The following PADI6 variants were observed in gnomAD, a reference collection of about 807,000 sequenced individuals.
PADI6 encodes the protein peptidyl arginine deiminase 6.
In PADI6, 66 loss-of-function variants were observed where a neutral mutation model predicts 78.2. The ratio of observed to expected loss-of-function variants is 0.84; its 90% CI spans 0.69 to 1.04. PADI6 has a LOEUF of 1.04. Ranked by LOEUF, PADI6 falls within the 50% of genes least tolerant of loss-of-function variation. PADI6 has a pLI of 0.00. For missense variants in PADI6, 854 were observed against 866.1 expected (o/e 0.99, Z 0.18); for synonymous variants, 397 against 346.9 (o/e 1.14, Z -1.60).
chr1:17,392,304 G>A, intron 9 of PADI6, 79 bp downstream of exon 9: 1 of 1,090,084 alleles, frequency 9.2e-7, no homozygotes, highest in Non-Finnish European at 1.4e-6. Context: ...GAACTTCACA[G>A]GCTTCTGGTT....
At chr1:17,393,244 G>GTT (rs2075208462) in intron 9 of PADI6, among the ~76,000 whole-genome samples, 3 of 152,308 alleles carry the variant, frequency 2.0e-5, no homozygotes, top group Non-Finnish European at 4.4e-5. Flanking sequence ...CTACCTCCTG[G>GTT]TTAAGGTACC....
chr1:17,385,199 A>G (rs113868742), intron 6 of PADI6, among the ~76,000 whole-genome samples: 1 of 146,496 alleles, frequency 6.8e-6, no homozygotes, highest in Non-Finnish European at 1.5e-5. Flanking sequence ...ATAGTGTTTG[A>G]GTAGTGTTGG....
chr1:17,388,245 G>A (rs2075142413), intron 6 of PADI6, 136 bp from the exon 7 acceptor site: 2 of 777,500 alleles, frequency 2.6e-6, no homozygotes, highest in Admixed American at 5.9e-5. Flanking sequence ...GGGGATGGCT[G>A]AGCCATTTCA....
intron 2 of PADI6, among the ~76,000 whole-genome samples, 157 bp from the exon 3 acceptor site, chr1:17,375,270 C>T (rs538553007): frequency 5.3e-5 from 8 of 152,220 alleles, no homozygotes; most frequent in South Asian, 2.1e-4. Context: ...CAGCCCTAAG[C>T]GCAGGGCTGT....
At chr1:17,397,814 A>G (rs2075261190) in intron 14 of PADI6, among the ~76,000 whole-genome samples, 1 of 152,172 alleles carries the variant, frequency 6.6e-6, no homozygotes, top group Non-Finnish European at 1.5e-5. Context: ...TGTGTTGCTC[A>G]TTATACTCAA....
At chr1:17,394,919 C>T in intron 11 of PADI6, 32 bp from the exon 12 acceptor site, 1 of 1,561,598 alleles carries the variant, frequency 6.4e-7, no homozygotes, top group African/African-American at 1.4e-5. Context: ...GCCACACTGG[C>T]TCAAGAGCTG....
intron 3 of PADI6, among the ~76,000 whole-genome samples, chr1:17,375,975 C>CTTTTTTT (rs575076756): frequency 4.7e-5 from 7 of 150,230 alleles, no homozygotes; most frequent in Admixed American, 1.3e-4. Flanking sequence ...ATAACATCTA[C>CTTTTTTT]TTTTTTTTTC....
At chr1:17,386,786 C>T (rs1039460246) in intron 6 of PADI6, among the ~76,000 whole-genome samples, 10 of 152,172 alleles carry the variant, frequency 6.6e-5, no homozygotes, top group South Asian at 4.1e-4. Context: ...CAGAGTCCAT[C>T]GGGAGGGCTG....
intron 4 of PADI6, 76 bp from the exon 5 acceptor site, chr1:17,380,971 C>A: frequency 7.9e-7 from 1 of 1,269,906 alleles, no homozygotes; most frequent in Non-Finnish European, 1.1e-6. Context: ...CTGGGCCCCT[C>A]TGCTATGAGG....
chr1:17,387,104 G>A (rs991627591), intron 6 of PADI6, among the ~76,000 whole-genome samples: 2 of 152,192 alleles, frequency 1.3e-5, no homozygotes, highest in South Asian at 2.1e-4. Flanking sequence ...GAGGAAGTTC[G>A]AGTGACCCAG....
chr1:17,401,443 A>AAAT lies in PADI6; in HGVS notation c.*5_*6insAAT. 6.2e-7 allele frequency: 1 copy of AAAT among 1,612,012 alleles called. No individual in the cohort carries two copies. The highest frequency in any genetic ancestry group is 8.5e-7 in the Non-Finnish European group (1 of 1,178,494). On this transcript the variant is annotated 3_prime_UTR_variant, in exon 16 of 16. Transcript: ENST00000619609. ...TGGTGGAAGATGGTACCTTAGACCCAGGCCCTGGAGCTGCCAGCTCTGCCC... is the reference window on the plus strand; with the variant it reads ...TGGTGGAAGATGGTACCTTAGACCCAAATGGCCCTGGAGCTGCCAGCTCTGCCC...
intron 5 of PADI6, among the ~76,000 whole-genome samples, 167 bp from the exon 6 acceptor site, chr1:17,381,800 C>CT (rs1249362573): frequency 3.3e-5 from 5 of 152,278 alleles, no homozygotes; most frequent in Non-Finnish European, 7.4e-5. Context: ...CTGTAGCCAC[C>CT]TAGAACAAGC....
At chr1:17,385,989 G>A (rs900557312) in intron 6 of PADI6, among the ~76,000 whole-genome samples, 1 of 152,164 alleles carries the variant, frequency 6.6e-6, no homozygotes, top group African/African-American at 2.4e-5. Flanking sequence ...AGCCTGCTAC[G>A]ACAGATGGAC....
At chr1:17,393,212 T>C (rs971838858) in intron 9 of PADI6, among the ~76,000 whole-genome samples, 5 of 151,948 alleles carry the variant, frequency 3.3e-5, no homozygotes, top group Non-Finnish European at 7.4e-5. Context: ...CAGATCACAG[T>C]GAACAAAGGT....
intron 8 of PADI6, among the ~76,000 whole-genome samples, chr1:17,390,261 A>G (rs1490955217): frequency 2.0e-5 from 3 of 152,044 alleles, no homozygotes; most frequent in African/African-American, 7.2e-5. Flanking sequence ...AAATAGCCCC[A>G]CTGCACTGCA....
chr1:17,381,728 T>TG lies in PADI6; in HGVS notation c.554-234dup, dbSNP rs147077860. Among the ~76,000 whole-genome samples, 1,344 of 152,222 alleles carry TG rather than the reference T, an allele frequency of 8.8e-3. 16 individuals are homozygous for TG. Among genetic ancestry groups the TG allele is most frequent in the African/African-American group, 0.03 (1,266 of 41,512 alleles). ...ATCGAGGTAGGCCCTGTTCTGTTTG[T>TG]GGGGGACCATGGGATAAATCCCATC... On this transcript the variant is annotated intron_variant, in intron 5 of 15. Coordinates refer to ENST00000619609, the MANE Select transcript of PADI6 (RefSeq NM_207421.4).
rs1170948959 is a variant in PADI6, at chr1:17,394,028, C to G, written c.1128C>G (p.Ile376Met). The G allele has an allele frequency of 6.2e-7, 1 of 1,613,968 alleles. No homozygotes were observed. Among genetic ancestry groups the G allele is most frequent in the South Asian group, 1.1e-5 (1 of 91,072 alleles). The change falls in exon 10 of 16, where the codon ATC becomes ATG. Residue 376 changes from isoleucine (I) to methionine (M), a missense_variant. Transcript: ENST00000619609. ...TQAPHKTTSL[I>M]LDTPQAADLD... is the part of the protein sequence containing the mutation. The stretch of plus-strand genomic sequence containing the variant: ...CTCCCCACAAGACAACGTCCTTGAT[C>G]CTCGACACACCTCAGGCCGCCGATC...
chr1:17,378,418 G>A (rs1039056221), intron 3 of PADI6, among the ~76,000 whole-genome samples: 3 of 152,244 alleles, frequency 2.0e-5, no homozygotes, highest in South Asian at 2.1e-4. Context: ...CAAGTCCTGC[G>A]TTCGTGGCCC....
At chr1:17,383,289 G>C (rs954047185) in intron 6 of PADI6, among the ~76,000 whole-genome samples, 1 of 152,152 alleles carries the variant, frequency 6.6e-6, no homozygotes, top group Non-Finnish European at 1.5e-5. Flanking sequence ...ATCTCAGCTG[G>C]ATTTCAAAGT....
Sources: allele counts gnomAD v4.1 joint callset (sites outside exome capture counted in the v4.1 genomes callset), GRCh38; gene constraint gnomAD v4.1.1; transcripts MANE v1.5; gene names NCBI Gene and HGNC (gene_info 2026-07-23, HGNC 2026-07-21).